The following CDH11 variants were observed in gnomAD, a reference collection of about 807,000 sequenced individuals.
CDH11 encodes the protein cadherin 11.
In CDH11, 11 loss-of-function variants were observed where a neutral mutation model predicts 67.8. That is an observed-to-expected ratio of 0.16 (90% CI 0.10 to 0.27). The LOEUF is 0.27. Among genes scored for constraint, CDH11 ranks in the 10% least tolerant of loss-of-function variants. The probability of loss-of-function intolerance (pLI) is 1.00; values close to 1 mark genes in which losing one functional copy is unlikely to be tolerated. For synonymous variants in CDH11, 419 were observed against 400.0 expected (o/e 1.05, Z -0.57); for missense variants, 847 against 1,031.2 (o/e 0.82, Z 2.45).
At chr16:64,975,343 C>A (rs1321849607) in intron 8 of CDH11, among the ~76,000 whole-genome samples, 2 of 152,028 alleles carry the variant, frequency 1.3e-5, no homozygotes, top group Non-Finnish European at 2.9e-5. Context: ...AGCAGAGGAG[C>A]AAATAAAAGA....
chr16:64,985,611 C>G (rs2072466968), intron 7 of CDH11: 1 of 151,802 alleles, frequency 6.6e-6, no homozygotes, highest in Non-Finnish European at 1.5e-5. Context: ...TAGGCCTTAT[C>G]ACACTATTGC....
intron 3 of CDH11, among the ~76,000 whole-genome samples, chr16:65,003,679 T>TAC (rs1257807512): frequency 6.6e-6 from 1 of 152,220 alleles, no homozygotes; most frequent in Non-Finnish European, 1.5e-5. Context: ...ACCCTCTTTC[T>TAC]ACACTTGCAC....
chr16:64,958,631 C>T (rs1035425004), intron 11 of CDH11, among the ~76,000 whole-genome samples: 4 of 152,068 alleles, frequency 2.6e-5, no homozygotes, highest in Non-Finnish European at 4.4e-5. Context: ...ATTTGAAGTC[C>T]TCTAGGTTTC....
intron 2 of CDH11, among the ~76,000 whole-genome samples, chr16:65,046,936 C>T (rs1468497990): frequency 3.3e-5 from 5 of 152,092 alleles, no homozygotes; most frequent in South Asian, 2.1e-4. Context: ...AGCAAAACCC[C>T]ATCTTTACTA....
At chr16:65,004,275 A>G (rs1033920383) in intron 3 of CDH11, among the ~76,000 whole-genome samples, 4 of 152,128 alleles carry the variant, frequency 2.6e-5, no homozygotes, top group African/African-American at 4.8e-5. Context: ...CAGGAGGCTA[A>G]AGCAGGAGGA....
At chr16:64,992,887 C>A in intron 5 of CDH11, 28 bp downstream of exon 5, 1 of 1,609,516 alleles carries the variant, frequency 6.2e-7, no homozygotes, top group South Asian at 1.1e-5. Context: ...CACCATGTGT[C>A]ACAAATCACA....
At chr16:65,004,621 A>G (rs765625827) in intron 3 of CDH11, 21 bp downstream of exon 3, 1 of 1,605,032 alleles carries the variant, frequency 6.2e-7, no homozygotes, top group Non-Finnish European at 8.5e-7. Flanking sequence ...AAAGCTCAGG[A>G]TTGAGGGAAG....
At chr16:65,110,947 T>C (rs1459959300) in intron 1 of CDH11, among the ~76,000 whole-genome samples, 1 of 152,150 alleles carries the variant, frequency 6.6e-6, no homozygotes, top group Non-Finnish European at 1.5e-5. Context: ...TTCCATGGTT[T>C]TGAATCACTT....
intron 11 of CDH11, among the ~76,000 whole-genome samples, chr16:64,964,485 A>C (rs1280116554): frequency 6.6e-6 from 1 of 152,164 alleles, no homozygotes; most frequent in Non-Finnish European, 1.5e-5. Context: ...TGAGTCACTG[A>C]GTGAGTGAAT....
At chr16:65,077,102 A>G (rs1374252358) in intron 1 of CDH11, among the ~76,000 whole-genome samples, 1 of 152,140 alleles carries the variant, frequency 6.6e-6, no homozygotes, top group Non-Finnish European at 1.5e-5. Context: ...GCATCTTGTT[A>G]TTTCCAAGAG....
At chr16:65,100,601 C>T (rs1042369102) in intron 1 of CDH11, among the ~76,000 whole-genome samples, 4 of 151,548 alleles carry the variant, frequency 2.6e-5, no homozygotes, top group African/African-American at 4.8e-5. Flanking sequence ...AGCCGGGCGT[C>T]GTGGCGGGCG....
At chr16:65,033,882 C>A (rs546994455) in intron 2 of CDH11, among the ~76,000 whole-genome samples, 1 of 152,012 alleles carries the variant, frequency 6.6e-6, no homozygotes. Flanking sequence ...CTCCAGGTGG[C>A]GGCATGGTAT....
At chr16:65,000,561 C>T (rs1034239643) in intron 3 of CDH11, among the ~76,000 whole-genome samples, 1 of 152,178 alleles carries the variant, frequency 6.6e-6, no homozygotes, top group African/African-American at 2.4e-5. Context: ...CTTTGGGACG[C>T]TGAGGCAGGC....
chr16:64,975,840 C>A (rs1365122463), intron 8 of CDH11, among the ~76,000 whole-genome samples: 2 of 151,660 alleles, frequency 1.3e-5, no homozygotes, highest in African/African-American at 4.8e-5. Context: ...CACATGTACC[C>A]CCTGAATCAA....
chr16:64,995,643 G>A (rs1423198504), intron 4 of CDH11, among the ~76,000 whole-genome samples: 2 of 152,004 alleles, frequency 1.3e-5, no homozygotes, highest in East Asian at 3.9e-4. Context: ...AAATGCCCTA[G>A]AGAAAAAAAC....
At chr16:65,007,288 C>T (rs559077509) in intron 2 of CDH11, among the ~76,000 whole-genome samples, 27 of 152,206 alleles carry the variant, frequency 1.8e-4, no homozygotes, top group Middle Eastern at 3.4e-3. Context: ...TTCTCAATAA[C>T]ACTTTGGGAT....
At chr16:65,034,809 T>C (rs1174514851) in intron 2 of CDH11, among the ~76,000 whole-genome samples, 4 of 152,258 alleles carry the variant, frequency 2.6e-5, no homozygotes, top group East Asian at 3.9e-4. Flanking sequence ...CTACGTGGAA[T>C]TGGCTGGTAA....
chr16:64,954,154 G>C lies in CDH11; in HGVS notation c.1643-3136C>G, dbSNP rs1023643383. On this transcript the variant is annotated intron_variant, in intron 11 of 12. Coordinates refer to ENST00000268603, the MANE Select transcript of CDH11 (RefSeq NM_001797.4). The stretch of plus-strand genomic sequence containing the variant: ...TCAAGATGTTTCATATTCTGAACAA[G>C]TGAGTCCTCTCCGACACACAGAAAC... 4.6e-5 allele frequency among the ~76,000 whole-genome samples: 7 copies of C among 152,322 alleles called. No homozygotes were observed. The South Asian group carries it at 1.5e-3, about 32-fold the overall frequency.
chr16:65,066,827 A>G (rs2074320068), intron 1 of CDH11, among the ~76,000 whole-genome samples: 1 of 152,258 alleles, frequency 6.6e-6, no homozygotes, highest in Admixed American at 6.5e-5. Flanking sequence ...TAGCTCCTAC[A>G]GTACCTACTT....
Sources: gnomAD v4.1 joint callset for allele counts (sites outside exome capture counted in the v4.1 genomes callset) on GRCh38, gnomAD v4.1.1 for gene constraint, MANE v1.5 for transcripts, NCBI Gene and HGNC (gene_info 2026-07-23, HGNC 2026-07-21) for gene names.